The following GRB14 variants were observed in gnomAD, a reference collection of about 807,000 sequenced individuals.
The protein encoded by GRB14 is growth factor receptor bound protein 14.
GRB14 carries 38 observed loss-of-function variants against 69.1 expected under a neutral mutation model. That is an observed-to-expected ratio of 0.55 (90% confidence interval 0.42 to 0.72). GRB14 has a LOEUF of 0.72. Ranked by LOEUF, GRB14 falls within the 30% of genes least tolerant of loss-of-function variation. GRB14 has a pLI of 0.00. For synonymous variants in GRB14, 247 were observed against 241.3 expected, an observed-to-expected ratio of 1.02 and a Z score of -0.22; for missense variants, 666 against 666.1, an observed-to-expected ratio of 1.00 and a Z score of 0.00.
chr2:164,618,903 C>G (rs1234598707), intron 2 of GRB14, among the ~76,000 whole-genome samples: 2 of 152,174 alleles, frequency 1.3e-5, no homozygotes, highest in Non-Finnish European at 2.9e-5. Flanking sequence ...GAATAAGGTG[C>G]ATTTTGTCTA....
At chr2:164,516,185 C>G (rs1687480934) in intron 6 of GRB14, among the ~76,000 whole-genome samples, 1 of 152,046 alleles carries the variant, frequency 6.6e-6, no homozygotes, top group Non-Finnish European at 1.5e-5. Context: ...TGCTAGAGAT[C>G]TAGACATCCA....
intron 2 of GRB14, among the ~76,000 whole-genome samples, chr2:164,582,424 A>ATTAT (rs1689432306): frequency 8.6e-6 from 1 of 116,152 alleles, no homozygotes; most frequent in African/African-American, 3.6e-5. Context: ...TTTATTTATT[A>ATTAT]TTTTTTTTTT....
intron 12 of GRB14, 143 bp from the exon 13 acceptor site, chr2:164,494,667 C>T: frequency 1.5e-6 from 1 of 672,082 alleles, no homozygotes; most frequent in South Asian, 1.7e-5. Context: ...GATTATCCAA[C>T]TTGGCAATCA....
chr2:164,619,923 G>C, intron 1 of GRB14, 104 bp from the exon 2 acceptor site: 4 of 881,530 alleles, frequency 4.5e-6, no homozygotes, highest in Non-Finnish European at 7.3e-6. Flanking sequence ...ACCACTCTGT[G>C]ACAAGGCTCA....
intron 3 of GRB14, among the ~76,000 whole-genome samples, chr2:164,544,308 G>C (rs1469193660): frequency 6.6e-6 from 1 of 152,066 alleles, no homozygotes; most frequent in South Asian, 2.1e-4. Flanking sequence ...ATAATTTGCA[G>C]TGTTCTCAGG....
At chr2:164,555,964 TG>T (rs2105317870) in intron 2 of GRB14, among the ~76,000 whole-genome samples, 1 of 150,978 alleles carries the variant, frequency 6.6e-6, no homozygotes, top group African/African-American at 2.5e-5. Context: ...AGATAGGCAA[TG>T]TACTAATATT....
intron 2 of GRB14, among the ~76,000 whole-genome samples, chr2:164,582,295 T>C (rs1485249802): frequency 1.3e-5 from 2 of 152,220 alleles, no homozygotes; most frequent in African/African-American, 4.8e-5. Flanking sequence ...GGAGTCATTT[T>C]TGACATTTCC....
rs1439834448 is a variant in GRB14 at position 164,502,280 on chromosome 2, C to G, written c.1079G>C (p.Cys360Ser). 6.2e-7 allele frequency: 1 copy of G among 1,604,146 alleles called. No homozygotes were observed. The highest frequency in any genetic ancestry group is 8.5e-7 in the Non-Finnish European group (1 of 1,171,764). The change falls in exon 9 of 14, where the codon TGC (cysteine) becomes TCC (serine). Residue 360 changes from cysteine (C) to serine (S), a missense_variant. By Grantham distance (112) the Cys-to-Ser change is moderately radical. Transcript: ENST00000263915. The part of the protein sequence containing the change: ...YMHPYQGRSG[C>S]SSQSISPMRS... ...CATAGGTGATATGCTCTGTGAACTG[C>G]AGCCACTTCTACCTTGATATGGATG...
intron 8 of GRB14, among the ~76,000 whole-genome samples, chr2:164,503,349 T>C (rs1687112155): frequency 6.7e-6 from 1 of 149,920 alleles, no homozygotes; most frequent in African/African-American, 2.5e-5. Flanking sequence ...TAAATTCTAT[T>C]TAAACATTCC....
At chr2:164,495,473 CT>C (rs1686868102) in intron 12 of GRB14, among the ~76,000 whole-genome samples, 1 of 152,112 alleles carries the variant, frequency 6.6e-6, no homozygotes, top group Non-Finnish European at 1.5e-5. Flanking sequence ...TAATGTCAGG[CT>C]AGAAAAACAA....
At chr2:164,510,082 A>C (rs582447) in intron 6 of GRB14, among the ~76,000 whole-genome samples, 119,155 of 152,146 alleles carry the variant, frequency 0.78, 47,160 homozygotes, top group African/African-American at 0.84. Context: ...GAGAAAGGTA[A>C]GCTTATTGCC....
intron 2 of GRB14, chr2:164,574,199 C>G (rs998930716): frequency 6.8e-6 from 4 of 584,548 alleles, no homozygotes; most frequent in Non-Finnish European, 1.2e-5. Context: ...TTTTTCCCCT[C>G]CACTCTAACA....
intron 8 of GRB14, among the ~76,000 whole-genome samples, chr2:164,507,320 C>T (rs1046839427): frequency 6.6e-6 from 1 of 152,130 alleles, no homozygotes; most frequent in Non-Finnish European, 1.5e-5. Flanking sequence ...GAAAAGTTTA[C>T]TTCATCCCCT....
At chr2:164,612,341 C>G (rs1690187505) in intron 2 of GRB14, among the ~76,000 whole-genome samples, 1 of 152,174 alleles carries the variant, frequency 6.6e-6, no homozygotes, top group African/African-American at 2.4e-5. Context: ...TATTAAACCT[C>G]CTATTTGTGT....
chr2:164,608,310 C>T (rs2105357454), intron 2 of GRB14, among the ~76,000 whole-genome samples: 2 of 151,430 alleles, frequency 1.3e-5, no homozygotes, highest in South Asian at 2.1e-4. Flanking sequence ...AGGTGGAGGT[C>T]GTAGTGAGCT....
chr2:164,494,051 A>T (rs1686829078), intron 13 of GRB14, among the ~76,000 whole-genome samples: 2 of 151,584 alleles, frequency 1.3e-5, no homozygotes, highest in Admixed American at 6.6e-5. Context: ...AAAACAAAAC[A>T]AAAAAAACAT....
intron 2 of GRB14, among the ~76,000 whole-genome samples, chr2:164,575,600 C>A (rs1689232787): frequency 6.6e-6 from 1 of 151,918 alleles, no homozygotes; most frequent in South Asian, 2.1e-4. Flanking sequence ...TAACTAAGAT[C>A]AAAAAGATAT....
intron 2 of GRB14, among the ~76,000 whole-genome samples, chr2:164,579,260 T>C (rs1490219384): frequency 1.3e-5 from 2 of 152,184 alleles, no homozygotes; most frequent in Non-Finnish European, 1.5e-5. Context: ...TTTCTGGTCA[T>C]AAAAACATCA....
At chr2:164,502,686 G>A (rs1440077734) in intron 8 of GRB14, among the ~76,000 whole-genome samples, 2 of 151,358 alleles carry the variant, frequency 1.3e-5, no homozygotes, top group African/African-American at 4.8e-5. Context: ...AGGGCGATGT[G>A]CTTTCTGGTA....
Sources: allele counts gnomAD v4.1 joint callset (sites outside exome capture counted in the v4.1 genomes callset), GRCh38; gene constraint gnomAD v4.1.1; transcripts MANE v1.5; gene names NCBI Gene and HGNC (gene_info 2026-07-23, HGNC 2026-07-21).